Variants in TSHZ3 observed in about 807,000 individuals in gnomAD.
TSHZ3 encodes the protein teashirt zinc finger homeobox 3, also known as teashirt homolog 3.
In TSHZ3, 10 loss-of-function variants were observed where a neutral mutation model predicts 64.5. That is an observed-to-expected ratio of 0.16 (90% CI 0.10 to 0.26). The LOEUF is 0.26. Ranked by LOEUF, TSHZ3 falls within the 10% of genes least tolerant of loss-of-function variation. The pLI is 1.00. For synonymous variants in TSHZ3, 608 were observed against 593.1 expected (o/e 1.03, Z -0.36); for missense variants, 1,242 against 1,421.7 (o/e 0.87, Z 2.03).
At chr19:31,168,256 C>T (rs1282098952) in intron 5 of TSHZ3, among the ~76,000 whole-genome samples, 10 of 152,092 alleles carry the variant, frequency 6.6e-5, no homozygotes, top group East Asian at 5.8e-4. Context: ...GATATGAATA[C>T]GCGTACGCAC....
chr19:31,238,705 C>T (rs188951571), intron 3 of TSHZ3, among the ~76,000 whole-genome samples: 37 of 152,294 alleles, frequency 2.4e-4, no homozygotes, highest in African/African-American at 6.7e-4. Flanking sequence ...CATATAGCCA[C>T]GCCAGCTTTC....
intron 4 of TSHZ3, among the ~76,000 whole-genome samples, chr19:31,213,391 A>AAAAAAAC (rs1975286728): frequency 6.9e-6 from 1 of 145,292 alleles, no homozygotes; most frequent in African/African-American, 2.7e-5. Flanking sequence ...AAAAAAAAAA[A>AAAAAAAC]TCAGTGGTGT....
chr19:31,195,068 G>A (rs1181509740), intron 5 of TSHZ3, among the ~76,000 whole-genome samples: 2 of 152,048 alleles, frequency 1.3e-5, no homozygotes, highest in East Asian at 1.9e-4. Flanking sequence ...AAATGGGGGG[G>A]AAGCAGAGAA....
At chr19:31,154,407 C>A (rs891291463) in intron 6 of TSHZ3, among the ~76,000 whole-genome samples, 2 of 152,178 alleles carry the variant, frequency 1.3e-5, no homozygotes, top group African/African-American at 4.8e-5. Flanking sequence ...AGATATTATA[C>A]CCATGTCCAA....
chr19:31,205,365 T>G (rs1022963936), intron 4 of TSHZ3, among the ~76,000 whole-genome samples: 12 of 152,196 alleles, frequency 7.9e-5, no homozygotes, highest in Non-Finnish European at 1.6e-4. Context: ...CCTTTTTTAT[T>G]CCATTATGGA....
intron 5 of TSHZ3, among the ~76,000 whole-genome samples, chr19:31,165,684 G>A (rs1214396053): frequency 2.6e-5 from 4 of 152,146 alleles, no homozygotes; most frequent in Non-Finnish European, 5.9e-5. Flanking sequence ...TAAACTCTGT[G>A]GGTGGGTATT....
chr19:31,304,589 T>C (rs1976809040), intron 1 of TSHZ3, among the ~76,000 whole-genome samples: 1 of 152,222 alleles, frequency 6.6e-6, no homozygotes, highest in African/African-American at 2.4e-5. Flanking sequence ...AATTACTTTT[T>C]AGCACCGAGA....
At chr19:31,219,107 C>T (rs528650540) in intron 4 of TSHZ3, among the ~76,000 whole-genome samples, 2 of 152,282 alleles carry the variant, frequency 1.3e-5, no homozygotes, top group East Asian at 1.9e-4. Context: ...GGAAGTTCTT[C>T]GAAGCTGACA....
At chr19:31,151,226 A>C (rs1454815380) in exon 7 of TSHZ3, among the ~76,000 whole-genome samples, 1 of 152,154 alleles carries the variant, frequency 6.6e-6, no homozygotes, top group African/African-American at 2.4e-5. Flanking sequence ...GATTTGATGA[A>C]AACCCCATCA....
intron 4 of TSHZ3, among the ~76,000 whole-genome samples, chr19:31,215,857 C>T (rs747238399): frequency 6.6e-5 from 10 of 151,346 alleles, no homozygotes; most frequent in Non-Finnish European, 1.5e-4. Flanking sequence ...GGCGACAAAG[C>T]GAGACTCTGT....
At chr19:31,189,942 A>G (rs1974875623) in intron 5 of TSHZ3, among the ~76,000 whole-genome samples, 1 of 152,164 alleles carries the variant, frequency 6.6e-6, no homozygotes, top group East Asian at 1.9e-4. Flanking sequence ...TTACCCATTT[A>G]TCATCAAAAA....
At chr19:31,161,729 C>G (rs1274203958) in intron 5 of TSHZ3, among the ~76,000 whole-genome samples, 1 of 152,188 alleles carries the variant, frequency 6.6e-6, no homozygotes, top group Admixed American at 6.5e-5. Context: ...TAGAACCGGC[C>G]TATTCTGTTC....
In TSHZ3 at chr19:31,212,220, C is replaced by T. The variant is rs148784156; in HGVS notation, n.687-7142G>A. Among the ~76,000 whole-genome samples the T allele has an allele frequency of 3.9e-3, 592 of 152,092 alleles. 3 individuals carry two copies. Among genetic ancestry groups the T allele is most frequent in the African/African-American group, 0.013 (558 of 41,480 alleles). ...CCTGTAATACCAGCAATTTGGGAGG[C>T]CAAGGCAGGAGAATTACTTGAGGTC... On this transcript the variant is annotated intron_variant and non_coding_transcript_variant, in intron 4 of 6. Coordinates refer to the TSHZ3 transcript ENST00000651361.
intron 1 of TSHZ3, among the ~76,000 whole-genome samples, chr19:31,347,842 G>C (rs892899899): frequency 6.6e-6 from 1 of 152,182 alleles, no homozygotes; most frequent in African/African-American, 2.4e-5. Flanking sequence ...AAGGGGTCTG[G>C]AGTGCAGAGT....
chr19:31,224,009 C>T (rs1260257090), intron 4 of TSHZ3, among the ~76,000 whole-genome samples: 1 of 152,160 alleles, frequency 6.6e-6, no homozygotes, highest in Non-Finnish European at 1.5e-5. Context: ...GGCCTTTGGA[C>T]ACAGGAAGTA....
chr19:31,192,584 G>T (rs1974926864), intron 5 of TSHZ3, among the ~76,000 whole-genome samples: 1 of 152,090 alleles, frequency 6.6e-6, no homozygotes, highest in Non-Finnish European at 1.5e-5. Context: ...GGCCCTTTAA[G>T]TTCTGTTAGT....
intron 1 of TSHZ3, among the ~76,000 whole-genome samples, chr19:31,306,557 G>A (rs772501117): frequency 2.0e-5 from 3 of 152,178 alleles, no homozygotes; most frequent in Non-Finnish European, 4.4e-5. Flanking sequence ...ATGCATGGGC[G>A]TGTGTGCGTA....
At chr19:31,217,831 A>G (rs549789085) in intron 4 of TSHZ3, among the ~76,000 whole-genome samples, 4 of 151,800 alleles carry the variant, frequency 2.6e-5, no homozygotes, top group Admixed American at 2.0e-4. Flanking sequence ...CCTCCCCTCA[A>G]CCCCTGATAA....
intron 1 of TSHZ3, among the ~76,000 whole-genome samples, chr19:31,341,458 G>A (rs754294240): frequency 6.6e-6 from 1 of 151,882 alleles, no homozygotes; most frequent in East Asian, 1.9e-4. Context: ...AGCCACTCCC[G>A]GACATGTCAT....
Sources: gnomAD v4.1 joint callset for allele counts (sites outside exome capture counted in the v4.1 genomes callset) on GRCh38, gnomAD v4.1.1 for gene constraint, MANE v1.5 for transcripts, NCBI Gene and HGNC (gene_info 2026-07-23, HGNC 2026-07-21) for gene names.